ATP8B1: variants seen among roughly 807,000 people sequenced by gnomAD.
The protein encoded by ATP8B1 is phospholipid-transporting ATPase IC.
In ATP8B1, 80 loss-of-function variants were observed where a neutral mutation model predicts 149.9. The observed-to-expected ratio is 0.53, with a 90% CI of 0.45 to 0.64. The LOEUF (loss-of-function observed/expected upper bound fraction) is 0.64. Among genes scored for constraint, ATP8B1 ranks in the 30% least tolerant of loss-of-function variants. ATP8B1 has a pLI of 0.00. For synonymous variants in ATP8B1, 536 were observed against 562.8 expected (o/e 0.95, Z 0.67); for missense variants, 1,247 against 1,552.6 (o/e 0.80, Z 3.31).
At chr18:57,780,883 G>C (rs1457385133) in intron 1 of ATP8B1, among the ~76,000 whole-genome samples, 2 of 152,134 alleles carry the variant, frequency 1.3e-5, no homozygotes, top group African/African-American at 4.8e-5. Flanking sequence ...AAATGGTCAA[G>C]AGTCCAGCCT....
At chr18:57,762,126 C>T (rs1051543191) in intron 1 of ATP8B1, among the ~76,000 whole-genome samples, 22 of 96,518 alleles carry the variant, frequency 2.3e-4, no homozygotes, top group Middle Eastern at 5.3e-3. Context: ...CACACACACA[C>T]ATATATATAT....
At chr18:57,666,386 C>T (rs766395185) in intron 20 of ATP8B1, among the ~76,000 whole-genome samples, 4 of 151,980 alleles carry the variant, frequency 2.6e-5, no homozygotes, top group Non-Finnish European at 4.4e-5. Context: ...ATTTCCTTCC[C>T]GCAAAAGTTT....
rs1302777152 is a variant in ATP8B1 at position 57,675,015 on chromosome 18, G to A, written c.1638C>T (p.Leu546=). The A allele has an allele frequency of 6.2e-6, 10 of 1,614,006 alleles. No homozygotes were observed. In the South Asian group the frequency reaches 9.9e-5, roughly 16 times the overall value. ...CATCGGGAGAGGCTGCCTGGTAGTT[G>A]AGCTGACCTAACAAGGAAGCGAGAG... ...TVMVDRTDGQ[L]NYQAASPDEG... The change falls in exon 16 of 28, where the codon CTC becomes CTT. Residue 546 remains leucine, a synonymous_variant. Transcript: ENST00000648908.
chr18:57,688,567 G>T, intron 12 of ATP8B1, 60 bp from the exon 13 acceptor site: 1 of 1,531,626 alleles, frequency 6.5e-7, no homozygotes, highest in Non-Finnish European at 9.0e-7. Context: ...AAGTAGTAGA[G>T]ATTTTATTCT....
At chr18:57,695,111 A>G (rs200128035) in intron 10 of ATP8B1, 60 bp downstream of exon 10, 3 of 1,581,598 alleles carry the variant, frequency 1.9e-6, no homozygotes, top group Non-Finnish European at 2.6e-6. Context: ...CAGAAAAGCA[A>G]TCCCCTCTAA....
intron 1 of ATP8B1, among the ~76,000 whole-genome samples, chr18:57,771,034 T>C (rs910196078): frequency 6.6e-6 from 1 of 152,196 alleles, no homozygotes; most frequent in Non-Finnish European, 1.5e-5. Context: ...AGCTAATTTT[T>C]GTATTTTTAG....
intron 2 of ATP8B1, among the ~76,000 whole-genome samples, chr18:57,727,016 G>T (rs1268764294): frequency 2.6e-5 from 4 of 152,154 alleles, no homozygotes; most frequent in African/African-American, 9.7e-5. Context: ...GGAGGCGGAG[G>T]TTGCAGTGAG....
chr18:57,650,516 A>G lies in ATP8B1; in HGVS notation c.3401-19T>C. The G allele has an allele frequency of 6.2e-7, 1 of 1,611,178 alleles. No homozygotes were observed. The highest frequency in any genetic ancestry group is 8.5e-7 in the Non-Finnish European group (1 of 1,178,096). On this transcript the variant is annotated intron_variant, in intron 26 of 27. Coordinates refer to ENST00000648908, the MANE Select transcript of ATP8B1 (RefSeq NM_001374385.1). ...GCTGTGCCTGTAAAGAACATGGCAA[A>G]TGCATCACTGTGGTTCTTTTTTCCT...
At chr18:57,762,545 A>G (rs2080168079) in intron 1 of ATP8B1, among the ~76,000 whole-genome samples, 1 of 152,212 alleles carries the variant, frequency 6.6e-6, no homozygotes, top group South Asian at 2.1e-4. Context: ...AGTGACACAC[A>G]TGGTACCTAG....
At position 57,647,297 on chromosome 18, in the gene ATP8B1, G is replaced by C. The variant is rs550192390; in HGVS notation, c.*1191C>G. ...GAAGCTGCTAAAATAATATTTGATA[G>C]TAAAAGTATGTAATGTGCTATCTCA... On this transcript the variant is annotated 3_prime_UTR_variant, in exon 28 of 28. Transcript: ENST00000648908. The C allele has an allele frequency of 1.3e-5, 2 of 152,300 alleles. No homozygotes were observed. Among genetic ancestry groups the C allele is most frequent in the African/African-American group, 4.8e-5 (2 of 41,580 alleles). The allele number at this position is 152,300 out of a possible 1,614,324, so 9.4% of individuals were successfully genotyped here.
chr18:57,719,710 C>A (rs936133608), intron 2 of ATP8B1, among the ~76,000 whole-genome samples: 23 of 152,224 alleles, frequency 1.5e-4, no homozygotes, highest in African/African-American at 3.1e-4. Flanking sequence ...CCCAGGCTTG[C>A]TTAGGTAAAC....
chr18:57,682,010 T>A (rs1398849614), intron 15 of ATP8B1, among the ~76,000 whole-genome samples: 7 of 70,562 alleles, frequency 9.9e-5, no homozygotes, highest in East Asian at 3.2e-3. Flanking sequence ...TTGTGTTATT[T>A]TTTTTTTTTT....
intron 1 of ATP8B1, among the ~76,000 whole-genome samples, chr18:57,756,707 C>A (rs4941043): frequency 0.57 from 86,481 of 151,404 alleles, 25,062 homozygotes; most frequent in South Asian, 0.7. Context: ...TGGGCTTTCT[C>A]TGTCATTTCC....
In ATP8B1 at chr18:57,802,548, T is replaced by A. The variant is rs2080589827; in HGVS notation, c.-26+450A>T. 6.6e-6 allele frequency among the ~76,000 whole-genome samples: 1 copy of A among 152,154 alleles called. No individual in the cohort carries two copies. Among genetic ancestry groups the A allele is most frequent in the Non-Finnish European group, 1.5e-5 (1 of 68,012 alleles). On this transcript the variant is annotated intron_variant, in intron 1 of 27. Transcript: ENST00000648908. The surrounding 1 kb of genome is among the most constrained non-coding windows in gnomAD (Gnocchi z 4.9). ...GCCCGCAAGTCCTTTTCGGACACGTTGGCATCTGCTCCCAAAGAGCGCCCC... is the reference window on the plus strand; with the variant it reads ...GCCCGCAAGTCCTTTTCGGACACGTAGGCATCTGCTCCCAAAGAGCGCCCC...
At chr18:57,696,387 A>G (rs1167727701) in intron 8 of ATP8B1, among the ~76,000 whole-genome samples, 5 of 152,184 alleles carry the variant, frequency 3.3e-5, no homozygotes, top group Non-Finnish European at 5.9e-5. Flanking sequence ...CTATCAGGCA[A>G]CTGCCCATAA....
At chr18:57,689,475 C>G (rs1387189737) in intron 12 of ATP8B1, among the ~76,000 whole-genome samples, 3 of 152,162 alleles carry the variant, frequency 2.0e-5, no homozygotes, top group Admixed American at 2.0e-4. Context: ...ACATAGCCAG[C>G]AATTGTTAGG....
At chr18:57,669,124 T>G (rs760420268) in intron 18 of ATP8B1, 194 bp downstream of exon 18, 1 of 467,790 alleles carries the variant, frequency 2.1e-6, no homozygotes, top group Non-Finnish European at 3.6e-6. Flanking sequence ...TGTCTTTTGG[T>G]TTCTCATAAT....
chr18:57,652,196 A>G (rs1274704426), intron 25 of ATP8B1, 24 bp from the exon 26 acceptor site: 1 of 1,613,788 alleles, frequency 6.2e-7, no homozygotes, highest in African/African-American at 1.3e-5. Flanking sequence ...AGAGAAAAAC[A>G]GAGCACTCAT....
At chr18:57,785,132 A>G (rs1030607846) in intron 1 of ATP8B1, among the ~76,000 whole-genome samples, 1 of 152,224 alleles carries the variant, frequency 6.6e-6, no homozygotes, top group Non-Finnish European at 1.5e-5. Flanking sequence ...ATGCTGCCTC[A>G]TCGAATTAGA....
Sources: allele counts gnomAD v4.1 joint callset (sites outside exome capture counted in the v4.1 genomes callset), GRCh38; gene constraint gnomAD v4.1.1; non-coding constraint Gnocchi (gnomAD v3.1); transcripts MANE v1.5; gene names NCBI Gene and HGNC (gene_info 2026-07-23, HGNC 2026-07-21).